OTC: variants seen among roughly 807,000 people sequenced by gnomAD.
OTC encodes the protein ornithine transcarbamylase, mitochondrial.
A neutral mutation model predicts 30.3 loss-of-function variants in OTC; 3 were observed. That is an observed-to-expected ratio of 0.10 (90% CI 0.05 to 0.26). The LOEUF (loss-of-function observed/expected upper bound fraction) is 0.26. OTC is among the 10% of genes least tolerant of loss of function. The pLI is 1.00. For missense variants in OTC, 194 were observed against 260.3 expected (o/e 0.75, Z 1.75); for synonymous variants, 111 against 99.7 (o/e 1.11, Z -0.67).
At chrX:38,328,232 C>A in the OTC span, among the ~76,000 whole-genome samples, 1 of 112,242 alleles carries the variant, frequency 8.9e-6, no homozygotes, top group Non-Finnish European at 1.9e-5. Flanking sequence ...AGCAGATTTA[C>A]GTACGTTTGG....
chrX:38,381,977 A>G (rs1358342024), intron 4 of OTC, among the ~76,000 whole-genome samples: 1 of 111,948 alleles, frequency 8.9e-6, no homozygotes, highest in East Asian at 2.8e-4. Context: ...CCTGATTGGT[A>G]AAAGGGAAGA....
the OTC span, among the ~76,000 whole-genome samples, chrX:38,334,274 C>T: frequency 1.1e-4 from 12 of 112,178 alleles, no homozygotes; most frequent in African/African-American, 2.9e-4. Context: ...GGTCTCTCAG[C>T]GAAAACATGG....
intron 1 of OTC, among the ~76,000 whole-genome samples, chrX:38,361,528 C>T (rs927508310): frequency 1.8e-5 from 2 of 111,672 alleles, no homozygotes; most frequent in Non-Finnish European, 3.8e-5. Context: ...CAGCAAAACA[C>T]TTCACATTAA....
intron 4 of OTC, among the ~76,000 whole-genome samples, chrX:38,384,426 G>C (rs1165408515): frequency 9.0e-6 from 1 of 111,679 alleles, no homozygotes; most frequent in African/African-American, 3.3e-5. Context: ...AGATATGCTG[G>C]GACTCAGAAA....
intron 3 of OTC, among the ~76,000 whole-genome samples, chrX:38,370,255 A>G (rs5917203): frequency 0.26 from 28,663 of 111,399 alleles, 3,123 homozygotes; most frequent in African/African-American, 0.38. Flanking sequence ...GATGGTGGAA[A>G]TTTAATCTTT....
chrX:38,419,442 C>T (rs760442015), intron 9 of OTC, among the ~76,000 whole-genome samples: 1 of 110,648 alleles, frequency 9.0e-6, no homozygotes, highest in East Asian at 2.8e-4. Flanking sequence ...GACATTTTTA[C>T]ATTAATTCTT....
intron 4 of OTC, among the ~76,000 whole-genome samples, chrX:38,399,321 C>T (rs2068472551): frequency 9.0e-6 from 1 of 110,746 alleles, no homozygotes; most frequent in Non-Finnish European, 1.9e-5. Flanking sequence ...AGCTTTGGTT[C>T]TCAACTTTGG....
chrX:38,410,217 G>A (rs1229444158), intron 8 of OTC, among the ~76,000 whole-genome samples: 4 of 111,430 alleles, frequency 3.6e-5, no homozygotes, highest in Admixed American at 9.6e-5. Flanking sequence ...TGAGAATGCC[G>A]ATTACAAAAA....
intron 1 of OTC, among the ~76,000 whole-genome samples, chrX:38,359,021 C>T (rs991918891): frequency 8.9e-6 from 1 of 111,797 alleles, no homozygotes; most frequent in Non-Finnish European, 1.9e-5. Flanking sequence ...CCGCTTTTGT[C>T]CCCAAGAACC....
At chrX:38,359,640 C>T (rs181917668) in intron 1 of OTC, among the ~76,000 whole-genome samples, 1,186 of 110,581 alleles carry the variant, frequency 0.011, 17 homozygotes, top group African/African-American at 0.037. Context: ...AGGCTGGTCT[C>T]GAACTCCTGA....
intron 5 of OTC, among the ~76,000 whole-genome samples, chrX:38,402,191 A>T (rs1428442435): frequency 8.9e-6 from 1 of 112,270 alleles, no homozygotes; most frequent in Admixed American, 9.4e-5. Context: ...TGAGGATGAG[A>T]TCCATGCAGA....
chrX:38,384,762 A>G (rs1484508653), intron 4 of OTC, among the ~76,000 whole-genome samples: 1 of 111,178 alleles, frequency 9.0e-6, no homozygotes, highest in African/African-American at 3.3e-5. Flanking sequence ...CACATTGTTG[A>G]AAGAAGAGCC....
chrX:38,363,145 T>C (rs1034800988), intron 1 of OTC, among the ~76,000 whole-genome samples: 3 of 111,636 alleles, frequency 2.7e-5, no homozygotes, highest in Admixed American at 9.5e-5. Context: ...GACAAAAAAT[T>C]GAGGGCCTCA....
chrX:38,367,187 AAG>A, intron 1 of OTC, 102 bp from the exon 2 acceptor site: 1 of 697,099 alleles, frequency 1.4e-6, no homozygotes, highest in African/African-American at 2.3e-5. Context: ...AAAAAAAAAA[AAG>A]AAAAGAAAAG....
At chrX:38,392,706 G>A (rs1221565805) in intron 4 of OTC, among the ~76,000 whole-genome samples, 1 of 111,463 alleles carries the variant, frequency 9.0e-6, no homozygotes, top group Non-Finnish European at 1.9e-5. Flanking sequence ...AGCAACCTAG[G>A]AGCTGCTCCC....
intron 4 of OTC, among the ~76,000 whole-genome samples, chrX:38,389,325 A>G (rs1425538308): frequency 1.8e-5 from 2 of 110,894 alleles, no homozygotes; most frequent in African/African-American, 3.3e-5. Flanking sequence ...TCAAATAATG[A>G]AAGTTATAGA....
intron 5 of OTC, among the ~76,000 whole-genome samples, chrX:38,402,629 A>G (rs946608187): frequency 4.5e-5 from 5 of 111,634 alleles, no homozygotes; most frequent in African/African-American, 1.6e-4. Context: ...AATTCTTAAC[A>G]TGATGTTGAT....
chrX:38,340,352 G>A, the OTC span, among the ~76,000 whole-genome samples: 3 of 110,219 alleles, frequency 2.7e-5, no homozygotes, highest in Non-Finnish European at 5.7e-5. Flanking sequence ...TTTTCCACTT[G>A]AAATTATAAT....
chrX:38,393,938 A>C (rs1426530865), intron 4 of OTC, among the ~76,000 whole-genome samples: 1 of 111,217 alleles, frequency 9.0e-6, no homozygotes, highest in African/African-American at 3.3e-5. Flanking sequence ...TCCATCTTCA[A>C]ACCTAGTGTC....
Sources: allele counts gnomAD v4.1 joint callset (sites outside exome capture counted in the v4.1 genomes callset), GRCh38; gene constraint gnomAD v4.1.1; transcripts MANE v1.5; gene names NCBI Gene and HGNC (gene_info 2026-07-23, HGNC 2026-07-21).